CDH18: variants seen among roughly 807,000 people sequenced by gnomAD.
CDH18 encodes the protein cadherin-18.
A neutral mutation model predicts 67.9 loss-of-function variants in CDH18; 31 were observed. That is an observed-to-expected ratio of 0.46 (90% CI 0.34 to 0.62). CDH18 has a LOEUF of 0.62. Ranked by LOEUF, CDH18 falls within the 20% of genes least tolerant of loss-of-function variation. CDH18 has a pLI of 0.01. For synonymous variants in CDH18, 362 were observed against 347.2 expected (o/e 1.04, Z -0.48); for missense variants, 890 against 975.5 (o/e 0.91, Z 1.17).
At chr5:19,502,360 T>C (rs1743394000) in intron 11 of CDH18, among the ~76,000 whole-genome samples, 1 of 152,162 alleles carries the variant, frequency 6.6e-6, no homozygotes, top group Admixed American at 6.6e-5. Context: ...GAATGACTTA[T>C]ATGGAACCTT....
At chr5:19,574,865 C>T (rs1469139725) in intron 7 of CDH18, among the ~76,000 whole-genome samples, 3 of 151,928 alleles carry the variant, frequency 2.0e-5, no homozygotes, top group African/African-American at 4.8e-5. Context: ...ACGGTGACAC[C>T]CTGTCTTTAC....
intron 1 of CDH18, among the ~76,000 whole-genome samples, chr5:20,574,997 T>C (rs761153005): frequency 6.6e-6 from 1 of 151,724 alleles, no homozygotes; most frequent in Non-Finnish European, 1.5e-5. Context: ...AAAAAACCAC[T>C]AGCAATCACT....
At chr5:19,644,114 T>C (rs1754418388) in intron 5 of CDH18, among the ~76,000 whole-genome samples, 1 of 152,076 alleles carries the variant, frequency 6.6e-6, no homozygotes, top group Admixed American at 6.6e-5. Context: ...GCTGTGGCTT[T>C]TGGAAAAGAG....
intron 2 of CDH18, among the ~76,000 whole-genome samples, chr5:19,959,900 T>C (rs1046589387): frequency 3.9e-5 from 6 of 152,252 alleles, no homozygotes; most frequent in Admixed American, 1.3e-4. Flanking sequence ...ACAACTGTAA[T>C]ACAACGGTAA....
chr5:20,028,430 C>T (rs1739103835), intron 2 of CDH18, among the ~76,000 whole-genome samples: 2 of 152,166 alleles, frequency 1.3e-5, no homozygotes, highest in Middle Eastern at 3.4e-3. Context: ...GGCAGTTTTA[C>T]TATTACCTTA....
At chr5:19,798,559 A>C (rs2149838207) in intron 3 of CDH18, among the ~76,000 whole-genome samples, 1 of 152,056 alleles carries the variant, frequency 6.6e-6, no homozygotes, top group African/African-American at 2.4e-5. Flanking sequence ...TAGCAAAAAT[A>C]AATGCTTTTT....
intron 1 of CDH18, among the ~76,000 whole-genome samples, chr5:20,288,047 C>T (rs748761581): frequency 6.6e-6 from 1 of 151,530 alleles, no homozygotes; most frequent in Admixed American, 6.6e-5. Flanking sequence ...TAACATTCAG[C>T]AAAATATACT....
At chr5:19,488,042 C>T (rs1035625640) in intron 11 of CDH18, among the ~76,000 whole-genome samples, 2 of 152,128 alleles carry the variant, frequency 1.3e-5, no homozygotes, top group African/African-American at 4.8e-5. Flanking sequence ...ATACAAGTCA[C>T]ATGCTTCTGG....
chr5:19,799,849 T>C (rs1048592055), intron 3 of CDH18, among the ~76,000 whole-genome samples: 25 of 152,144 alleles, frequency 1.6e-4, no homozygotes, highest in African/African-American at 6.0e-4. Context: ...CCAACTACCA[T>C]TTTTCAAGAA....
chr5:20,552,988 C>T (rs959059677), intron 1 of CDH18, among the ~76,000 whole-genome samples: 2 of 152,086 alleles, frequency 1.3e-5, no homozygotes, highest in Non-Finnish European at 2.9e-5. Flanking sequence ...CTCCTGACCT[C>T]GTGATACGCC....
intron 5 of CDH18, among the ~76,000 whole-genome samples, chr5:19,615,175 C>T (rs1331983575): frequency 6.6e-6 from 1 of 151,616 alleles, no homozygotes; most frequent in Non-Finnish European, 1.5e-5. Context: ...AATCATAACG[C>T]TCTCTTCAGG....
chr5:19,956,548 G>A (rs1264543410), intron 2 of CDH18, among the ~76,000 whole-genome samples: 3 of 151,698 alleles, frequency 2.0e-5, no homozygotes, highest in Non-Finnish European at 4.4e-5. Context: ...AATATTTAGT[G>A]ATAATTTACA....
chr5:20,510,250 G>A (rs1034794369), intron 1 of CDH18, among the ~76,000 whole-genome samples: 2 of 152,032 alleles, frequency 1.3e-5, no homozygotes, highest in Non-Finnish European at 2.9e-5. Flanking sequence ...ATTTGTCTCA[G>A]TGTTATATAA....
intron 1 of CDH18, among the ~76,000 whole-genome samples, chr5:20,559,984 T>C (rs1293311298): frequency 1.3e-5 from 2 of 152,082 alleles, no homozygotes; most frequent in African/African-American, 2.4e-5. Flanking sequence ...ATTCATCACC[T>C]CTTTCACTCA....
chr5:19,906,483 T>C (rs1579527725), intron 2 of CDH18, among the ~76,000 whole-genome samples: 1 of 151,976 alleles, frequency 6.6e-6, no homozygotes, highest in Non-Finnish European at 1.5e-5. Flanking sequence ...TATTTCTGAT[T>C]AACCTAAATG....
rs1476941515 is a variant in CDH18, at chr5:19,508,595, T to C, written c.1513-5486A>G. Among the ~76,000 whole-genome samples the C allele has an allele frequency of 2.0e-5, 3 of 152,210 alleles. No homozygotes were observed. The East Asian group carries it at 5.8e-4, about 29-fold the overall frequency. On this transcript the variant is annotated intron_variant, in intron 10 of 12. Transcript: ENST00000382275. ...GGTGAAAAAAAATAGACAGTTGCTATTTATAAATAATTACCAGGGAGTATT... is the reference window on the plus strand; with the variant it reads ...GGTGAAAAAAAATAGACAGTTGCTACTTATAAATAATTACCAGGGAGTATT...
intron 7 of CDH18, among the ~76,000 whole-genome samples, chr5:19,579,530 A>G (rs1742873564): frequency 6.6e-6 from 1 of 151,832 alleles, no homozygotes; most frequent in East Asian, 1.9e-4. Context: ...CATACAATAA[A>G]CAGCAATTAA....
intron 1 of CDH18, among the ~76,000 whole-genome samples, chr5:20,537,595 C>A (rs554731223): frequency 5.9e-5 from 9 of 151,974 alleles, no homozygotes; most frequent in Non-Finnish European, 1.3e-4. Flanking sequence ...CAACTTTAAG[C>A]GCTAAGCTCT....
chr5:19,667,699 T>C (rs1351486500), intron 5 of CDH18, among the ~76,000 whole-genome samples: 1 of 151,788 alleles, frequency 6.6e-6, no homozygotes, highest in African/African-American at 2.4e-5. Flanking sequence ...TGTTTAGGTA[T>C]CTTTCTACTC....
Sources: allele counts gnomAD v4.1 joint callset (sites outside exome capture counted in the v4.1 genomes callset), GRCh38; gene constraint gnomAD v4.1.1; transcripts MANE v1.5; gene names NCBI Gene and HGNC (gene_info 2026-07-23, HGNC 2026-07-21).